CNIH3: variants seen among roughly 807,000 people sequenced by gnomAD.
The protein encoded by CNIH3 is protein cornichon homolog 3.
CNIH3 carries 14 observed loss-of-function variants against 24.1 expected under a neutral mutation model. That is an observed-to-expected ratio of 0.58 (90% CI 0.38 to 0.91). CNIH3 has a LOEUF of 0.91. CNIH3 is among the 40% of genes least tolerant of loss of function. The pLI is 0.00. For synonymous variants in CNIH3, 68 were observed against 73.8 expected, an observed-to-expected ratio of 0.92 and a Z score of 0.40; for missense variants, 178 against 196.8, an observed-to-expected ratio of 0.90 and a Z score of 0.57.
intron 3 of CNIH3, among the ~76,000 whole-genome samples, chr1:224,555,505 A>G (rs532946101): frequency 1.5e-4 from 23 of 152,360 alleles, no homozygotes; most frequent in Non-Finnish European, 3.2e-4. Context: ...AGTATTTTGG[A>G]AGACTTTTAA....
rs201633019 is a variant in CNIH3 at position 224,501,530 on chromosome 1, T to TATATATAC, written n.204-14211_204-14210insATATATAC. 9.4e-5 allele frequency among the ~76,000 whole-genome samples: 14 copies of TATATATAC among 149,420 alleles called. 1 individual carries two copies. Among genetic ancestry groups the TATATATAC allele is most frequent in the African/African-American group, 3.0e-4 (12 of 40,302 alleles). ...CTATATATATATATATATATATTTT[T>TATATATAC]TTTTTTTAACCCCAGAGTTCATGTT... is the stretch of plus-strand genomic sequence containing the variant. On this transcript the variant is annotated intron_variant and non_coding_transcript_variant, in intron 1 of 5. Coordinates refer to the CNIH3 transcript ENST00000471578.
chr1:224,453,164 T>A (rs570263944), intron 1 of CNIH3, among the ~76,000 whole-genome samples: 1 of 151,544 alleles, frequency 6.6e-6, no homozygotes, highest in South Asian at 2.1e-4. Context: ...ATATATATAT[T>A]GTGTGTATAT....
rs1689267664 is a variant in CNIH3, at chr1:224,730,481, C to G, written c.218C>G (p.Ser73Cys). ...LLRKLVLPEY[S>C]IHSLFCIMFL... ...CTTCAGCTGGTGCTGCCAGAATACTCCATCCATAGCCTCTTCTGCATTATG... is the reference window on the plus strand; with the variant it reads ...CTTCAGCTGGTGCTGCCAGAATACTGCATCCATAGCCTCTTCTGCATTATG... Residue 73 changes from serine to cysteine, a missense_variant, in exon 4 of 6, where the codon TCC (serine) becomes TGC (cysteine). Ser to Cys is a moderately radical substitution (Grantham distance 112). Transcript: ENST00000272133. 1.3e-6 allele frequency: 2 copies of G among 1,558,662 alleles called. No individual in the cohort carries two copies. Among genetic ancestry groups the G allele is most frequent in the East Asian group, 2.4e-5 (1 of 42,354 alleles).
At chr1:224,733,933 G>A (rs923189883) in intron 4 of CNIH3, among the ~76,000 whole-genome samples, 8 of 152,140 alleles carry the variant, frequency 5.3e-5, no homozygotes, top group African/African-American at 1.9e-4. Flanking sequence ...GTGAGCCTTG[G>A]GAACGTAGTA....
intron 1 of CNIH3, among the ~76,000 whole-genome samples, chr1:224,630,779 G>C (rs1289078745): frequency 6.6e-6 from 1 of 152,192 alleles, no homozygotes; most frequent in African/African-American, 2.4e-5. Flanking sequence ...GTGGGTGCTT[G>C]TGAGTGTAAT....
intron 3 of CNIH3, among the ~76,000 whole-genome samples, chr1:224,596,737 T>G (rs1305288753): frequency 6.6e-6 from 1 of 152,212 alleles, no homozygotes; most frequent in African/African-American, 2.4e-5. Context: ...TATATTTTAT[T>G]AAAGTATTTG....
chr1:224,713,488 G>A (rs1442011294), intron 3 of CNIH3, among the ~76,000 whole-genome samples: 5 of 152,168 alleles, frequency 3.3e-5, no homozygotes, highest in Non-Finnish European at 5.9e-5. Flanking sequence ...TCACTAAAAG[G>A]CAATATGACT....
At chr1:224,507,839 A>C (rs1190056375) in intron 1 of CNIH3, among the ~76,000 whole-genome samples, 1 of 152,222 alleles carries the variant, frequency 6.6e-6, no homozygotes. Flanking sequence ...TGTGCAATGC[A>C]CTGTGGTGAT....
intron 1 of CNIH3, among the ~76,000 whole-genome samples, chr1:224,617,904 C>T (rs1683097265): frequency 6.6e-6 from 1 of 152,148 alleles, no homozygotes; most frequent in Non-Finnish European, 1.5e-5. Context: ...AGAGCGACGA[C>T]GGTGTCCTCC....
At chr1:224,520,697 G>A (rs182971848) in intron 1 of CNIH3, among the ~76,000 whole-genome samples, 11 of 152,344 alleles carry the variant, frequency 7.2e-5, no homozygotes, top group Admixed American at 2.6e-4. Flanking sequence ...TTTGTGTACT[G>A]TGAGATGGGG....
intron 1 of CNIH3, among the ~76,000 whole-genome samples, chr1:224,451,848 A>C (rs1271868462): frequency 1.3e-5 from 2 of 152,208 alleles, no homozygotes; most frequent in Admixed American, 1.3e-4. Context: ...TTAAGCTAAT[A>C]GTCCATATTT....
chr1:224,729,203 G>A (rs903034663), intron 3 of CNIH3, among the ~76,000 whole-genome samples: 3 of 151,992 alleles, frequency 2.0e-5, no homozygotes, highest in Non-Finnish European at 4.4e-5. Context: ...CTCAGGTCAG[G>A]AGTTCAAGAC....
intron 1 of CNIH3, among the ~76,000 whole-genome samples, chr1:224,658,609 A>T (rs1239474655): frequency 1.3e-5 from 2 of 148,236 alleles, no homozygotes; most frequent in Non-Finnish European, 3.0e-5. Flanking sequence ...TTCAGATATT[A>T]AAAAAAAAAC....
intron 4 of CNIH3, among the ~76,000 whole-genome samples, chr1:224,573,063 A>G (rs1428349644): frequency 6.6e-6 from 1 of 152,202 alleles, no homozygotes; most frequent in Non-Finnish European, 1.5e-5. Flanking sequence ...ACAATTATTC[A>G]TAATACTGCC....
intron 3 of CNIH3, among the ~76,000 whole-genome samples, chr1:224,720,807 C>T (rs1327517469): frequency 6.6e-6 from 1 of 152,074 alleles, no homozygotes; most frequent in African/African-American, 2.4e-5. Flanking sequence ...GTCGCCATGT[C>T]GTTCCCTGGA....
downstream of CNIH3, among the ~76,000 whole-genome samples, chr1:224,590,817 G>T (rs555188467): frequency 7.0e-5 from 4 of 57,156 alleles, no homozygotes; most frequent in Admixed American, 6.5e-4. Context: ...CCCCGCCCCC[G>T]CAACCCACCC....
chr1:224,470,602 G>A (rs1256883771), intron 1 of CNIH3, among the ~76,000 whole-genome samples: 2 of 152,128 alleles, frequency 1.3e-5, no homozygotes, highest in African/African-American at 4.8e-5. Context: ...TTACAGGTGT[G>A]AGCCACCACA....
chr1:224,644,147 G>T (rs887191172), intron 1 of CNIH3, among the ~76,000 whole-genome samples: 1 of 152,212 alleles, frequency 6.6e-6, no homozygotes, highest in African/African-American at 2.4e-5. Context: ...CGCATGCTTG[G>T]TGACTGAATG....
At chr1:224,618,556 CAGAG>C (rs1683139709) in intron 1 of CNIH3, among the ~76,000 whole-genome samples, 2 of 152,160 alleles carry the variant, frequency 1.3e-5, no homozygotes, top group Non-Finnish European at 2.9e-5. Context: ...AGGGCTCTGA[CAGAG>C]AGGAGAGGGG....
Sources: allele counts gnomAD v4.1 joint callset (sites outside exome capture counted in the v4.1 genomes callset), GRCh38; gene constraint gnomAD v4.1.1; transcripts MANE v1.5; gene names NCBI Gene and HGNC (gene_info 2026-07-23, HGNC 2026-07-21).